The following PTPRU variants were observed in gnomAD, a reference collection of about 807,000 sequenced individuals.
The protein encoded by PTPRU is protein tyrosine phosphatase receptor type U.
A neutral mutation model predicts 166.3 loss-of-function variants in PTPRU; 69 were observed. That is an observed-to-expected ratio of 0.41 (90% confidence interval 0.34 to 0.51). The LOEUF is 0.51. Among genes scored for constraint, PTPRU ranks in the 20% least tolerant of loss-of-function variants. The pLI, the probability that PTPRU is intolerant of heterozygous loss-of-function variation, is 0.09. For missense variants in PTPRU, 1,657 were observed against 2,013.7 expected, an observed-to-expected ratio of 0.82 and a Z score of 3.39; for synonymous variants, 793 against 814.0, an observed-to-expected ratio of 0.97 and a Z score of 0.44.
chr1:29,278,720 A>G (rs563169602), intron 8 of PTPRU, among the ~76,000 whole-genome samples: 5 of 152,366 alleles, frequency 3.3e-5, no homozygotes, highest in South Asian at 2.1e-4. Flanking sequence ...TCTCTCCTGA[A>G]TGCAACCTAC....
chr1:29,273,483 G>T (rs139847299), intron 7 of PTPRU, among the ~76,000 whole-genome samples: 375 of 152,240 alleles, frequency 2.5e-3, no homozygotes, highest in African/African-American at 8.6e-3. Context: ...TGGCCAGGCT[G>T]GTCTCAAACT....
At chr1:29,263,487 A>G (rs890769706) in intron 7 of PTPRU, among the ~76,000 whole-genome samples, 2 of 152,206 alleles carry the variant, frequency 1.3e-5, no homozygotes, top group African/African-American at 2.4e-5. Flanking sequence ...ACAGGTTTTT[A>G]TATTGATATA....
intron 15 of PTPRU, among the ~76,000 whole-genome samples, chr1:29,293,954 T>C (rs1686770286): frequency 6.6e-6 from 1 of 152,260 alleles, no homozygotes; most frequent in Non-Finnish European, 1.5e-5. Flanking sequence ...TAGTTTCCCA[T>C]TGTATGGCTG....
At chr1:29,295,160 C>T (rs1272866007) in intron 15 of PTPRU, among the ~76,000 whole-genome samples, 1 of 152,028 alleles carries the variant, frequency 6.6e-6, no homozygotes, top group Admixed American at 6.5e-5. Context: ...CTCAGCCTCC[C>T]GAGGAGCTGG....
intron 19 of PTPRU, 122 bp downstream of exon 19, chr1:29,310,902 C>T (rs1052904545): frequency 1.7e-5 from 21 of 1,255,226 alleles, no homozygotes; most frequent in African/African-American, 4.4e-5. Flanking sequence ...TCCCCACCGT[C>T]GCCATATTCT....
intron 13 of PTPRU, 64 bp from the exon 14 acceptor site, chr1:29,284,667 T>G: frequency 6.2e-7 from 1 of 1,611,716 alleles, no homozygotes; most frequent in Non-Finnish European, 8.5e-7. Context: ...CACAGCCACC[T>G]ACAGGAGGGG....
intron 1 of PTPRU, among the ~76,000 whole-genome samples, chr1:29,239,987 T>C (rs1683967743): frequency 6.6e-6 from 1 of 152,162 alleles, no homozygotes; most frequent in African/African-American, 2.4e-5. Context: ...AGCTGCATCT[T>C]GTTTTGTGTC....
chr1:29,245,315 G>C (rs1684245771), intron 1 of PTPRU, among the ~76,000 whole-genome samples: 1 of 152,192 alleles, frequency 6.6e-6, no homozygotes, highest in South Asian at 2.1e-4. Flanking sequence ...GAAGATGTTG[G>C]AGGGAGGGAG....
chr1:29,262,323 C>T (rs1685104275), intron 7 of PTPRU, among the ~76,000 whole-genome samples: 1 of 152,236 alleles, frequency 6.6e-6, no homozygotes, highest in Admixed American at 6.5e-5. Flanking sequence ...ATATAATCCA[C>T]ATCTCATACA....
In PTPRU at chr1:29,291,188, G is replaced by A. The variant is rs763997110; in HGVS notation, c.2319-681G>A. 3.3e-5 allele frequency among the ~76,000 whole-genome samples: 5 copies of A among 152,168 alleles called. No homozygotes were observed. Among genetic ancestry groups the A allele is most frequent in the Admixed American group, 6.5e-5 (1 of 15,284 alleles). On this transcript the variant is annotated intron_variant, in intron 14 of 29. Transcript: ENST00000373779. This position sits in a 1 kb window ranked among gnomAD's most constrained non-coding sequence, Gnocchi z 4.1. Reference sequence around the variant, plus strand: ...GCTGCTCTGAGCAGCAGGACGGACTGGTGGGCAGTGGTGGGAATCTGGACC... The same window carrying A: ...GCTGCTCTGAGCAGCAGGACGGACTAGTGGGCAGTGGTGGGAATCTGGACC...
chr1:29,307,242 CTCTCTG>C lies in PTPRU; in HGVS notation c.2820+1823_2820+1828del, dbSNP rs1687434220. 2.1e-6 allele frequency: 3 copies of C among 1,453,746 alleles called. No individual in the cohort carries two copies. In the South Asian group the frequency reaches 3.5e-5, roughly 17 times the overall value. 90.1% of individuals were successfully genotyped at this position (1,453,746 alleles called of 1,614,324 possible). A position where few individuals can be genotyped will look rare whatever the true frequency, so the allele number is the denominator to read the frequency against. The stretch of plus-strand genomic sequence containing the variant: ...TCTCTCACGGTCTCTGGCTGTCTGT[CTCTCTG>C]TCTCTGTCCTTCCTTTCTACTTATG... On this transcript the variant is annotated intron_variant, in intron 18 of 29. Coordinates refer to ENST00000373779, the MANE Select transcript of PTPRU (RefSeq NM_133178.4).
At chr1:29,303,707 G>A (rs1687247266) in intron 15 of PTPRU, 148 bp from the exon 16 acceptor site, 4 of 759,718 alleles carry the variant, frequency 5.3e-6, no homozygotes, top group South Asian at 4.0e-5. Context: ...CACAGGGTGG[G>A]CCTGGCTAGG....
intron 7 of PTPRU, among the ~76,000 whole-genome samples, chr1:29,266,645 A>G (rs969374261): frequency 2.0e-5 from 3 of 152,176 alleles, no homozygotes; most frequent in Admixed American, 2.0e-4. Flanking sequence ...GGGAATAATA[A>G]CATTTACCAT....
At chr1:29,286,365 C>A (rs1361542833) in intron 14 of PTPRU, among the ~76,000 whole-genome samples, 1 of 152,204 alleles carries the variant, frequency 6.6e-6, no homozygotes, top group Non-Finnish European at 1.5e-5. Context: ...GTTCTGCACT[C>A]AGCATGCGTC....
In PTPRU at chr1:29,320,457, A is replaced by G. The variant is rs1181569923; in HGVS notation, c.3688-228A>G. Reference sequence around the variant, plus strand: ...ATACCTTTGGAAACTTTTGCTGTTTAGTTCTGGGGGGTCATGGGCTTGGTC... The same window carrying G: ...ATACCTTTGGAAACTTTTGCTGTTTGGTTCTGGGGGGTCATGGGCTTGGTC... On this transcript the variant is annotated intron_variant, in intron 25 of 29. Transcript: ENST00000373779. The surrounding 1 kb of genome is among the most constrained non-coding windows in gnomAD (Gnocchi z 5.2). The G allele has an allele frequency of 4.9e-6, 2 of 410,076 alleles. No individual in the cohort carries two copies. The highest frequency in any genetic ancestry group is 8.5e-6 in the Non-Finnish European group (2 of 235,666). The allele number at this position is 410,076 out of a possible 1,614,324, so 25.4% of individuals were successfully genotyped here.
chr1:29,254,621 G>C (rs975823283), intron 1 of PTPRU, among the ~76,000 whole-genome samples: 5 of 152,212 alleles, frequency 3.3e-5, no homozygotes, highest in African/African-American at 9.6e-5. Context: ...CGCGTGGCCT[G>C]AACGAGGCTC....
chr1:29,304,824 C>T lies in PTPRU; in HGVS notation c.2718C>T (p.Gly906=). ...DATKKKDKVK[G]SRQEPMPAYD... ...CAAAGAAGAAAGACAAGGTCAAGGG[C>T]AGCCGGCAGGAGCCAATGCCTGCCT... is the stretch of plus-strand genomic sequence containing the variant. The change falls in exon 17 of 30, where the codon GGC becomes GGT. Residue 906 remains glycine (G), a synonymous_variant. Coordinates refer to ENST00000373779, the MANE Select transcript of PTPRU (RefSeq NM_133178.4). 1.2e-6 allele frequency: 2 copies of T among 1,612,344 alleles called. No homozygotes were observed. Among genetic ancestry groups the T allele is most frequent in the Non-Finnish European group, 1.7e-6 (2 of 1,178,660 alleles).
At chr1:29,276,719 C>T (rs1281052326) in intron 8 of PTPRU, among the ~76,000 whole-genome samples, 1 of 152,002 alleles carries the variant, frequency 6.6e-6, no homozygotes, top group African/African-American at 2.4e-5. Context: ...TTCTTGTTTA[C>T]CCTTGTGAAG....
At chr1:29,262,514 T>C (rs533514882) in intron 7 of PTPRU, among the ~76,000 whole-genome samples, 4 of 152,360 alleles carry the variant, frequency 2.6e-5, no homozygotes, top group Admixed American at 2.6e-4. Flanking sequence ...ACTTTTATTA[T>C]AGTGTGGTGT....
Sources: allele counts gnomAD v4.1 joint callset (sites outside exome capture counted in the v4.1 genomes callset), GRCh38; gene constraint gnomAD v4.1.1; non-coding constraint Gnocchi (gnomAD v3.1); transcripts MANE v1.5; gene names NCBI Gene and HGNC (gene_info 2026-07-23, HGNC 2026-07-21).